The following CLPB variants were observed in gnomAD, a reference collection of about 807,000 sequenced individuals.
CLPB encodes ClpB family mitochondrial disaggregase.
A neutral mutation model predicts 78.4 loss-of-function variants in CLPB; 40 were observed. The observed-to-expected ratio is 0.51, with a 90% CI of 0.40 to 0.66. The LOEUF (loss-of-function observed/expected upper bound fraction) is 0.66, where lower values mean the gene tolerates loss of function less well. Among genes scored for constraint, CLPB ranks in the 30% least tolerant of loss-of-function variants. The pLI is 0.00. For missense variants in CLPB, 780 were observed against 886.9 expected (o/e 0.88, Z 1.53); for synonymous variants, 333 against 348.0 (o/e 0.96, Z 0.48).
rs1461947408 is a variant in CLPB at position 72,302,335 on chromosome 11, A to G, written c.1136T>C (p.Leu379Pro). Residue 379 changes from leucine (L) to proline (P), a missense_variant, in exon 10 of 16, where the codon CTG becomes CCG. Leu to Pro is a moderately conservative substitution (Grantham distance 98). Transcript: ENST00000538039. ...HKDAKKGFIR[L>P]DMSEFQERHE... ...TCGCTCCTGGAACTCGGACATGTCC[A>G]GCCTGATGAAGCCCTGTGTGGAAAC... is the stretch of plus-strand genomic sequence containing the variant. 1.2e-6 allele frequency: 2 copies of G among 1,614,220 alleles called. No homozygotes were observed.
At chr11:72,335,131 G>A (rs563802397) in intron 5 of CLPB, among the ~76,000 whole-genome samples, 8 of 152,106 alleles carry the variant, frequency 5.3e-5, no homozygotes, top group South Asian at 4.2e-4. Context: ...AAAGTAGTGT[G>A]GGGGGGTGGG....
chr11:72,336,503 C>A (rs1184078721), intron 5 of CLPB: 1 of 152,194 alleles, frequency 6.6e-6, no homozygotes, highest in Non-Finnish European at 1.5e-5. Context: ...CTACCTACCA[C>A]CTACCACTAA....
chr11:72,297,863 G>A (rs571502365), intron 11 of CLPB, among the ~76,000 whole-genome samples: 72 of 152,284 alleles, frequency 4.7e-4, no homozygotes, highest in African/African-American at 1.6e-3. Flanking sequence ...AACTGGGCCT[G>A]AGGATGGGTC....
At chr11:72,417,792 T>C (rs2135128949) in intron 2 of CLPB, among the ~76,000 whole-genome samples, 1 of 152,228 alleles carries the variant, frequency 6.6e-6, no homozygotes, top group Non-Finnish European at 1.5e-5. Flanking sequence ...CCTGAGATCC[T>C]GTGTGACCCA....
chr11:72,332,905 T>A (rs1950253642), intron 5 of CLPB: 1 of 152,238 alleles, frequency 6.6e-6, no homozygotes, highest in South Asian at 2.1e-4. Flanking sequence ...AACAGTGCCA[T>A]GAACATTCAC....
At chr11:72,331,058 T>C (rs1195284397) in intron 5 of CLPB, among the ~76,000 whole-genome samples, 1 of 152,014 alleles carries the variant, frequency 6.6e-6, no homozygotes, top group South Asian at 2.1e-4. Context: ...ACTTTAAAAA[T>C]TTTTTTATTA....
intron 9 of CLPB, among the ~76,000 whole-genome samples, chr11:72,306,876 C>T (rs1252050402): frequency 6.6e-6 from 1 of 152,220 alleles, no homozygotes; most frequent in Non-Finnish European, 1.5e-5. Flanking sequence ...TTAGCAGCAT[C>T]TAGTACAACA....
At chr11:72,388,242 C>T (rs1169756985) in intron 3 of CLPB, among the ~76,000 whole-genome samples, 1 of 150,586 alleles carries the variant, frequency 6.6e-6, no homozygotes, top group Non-Finnish European at 1.5e-5. Context: ...AGAGAAGATT[C>T]CCTTCCCCTT....
chr11:72,394,192 G>A (rs569185394), intron 3 of CLPB, among the ~76,000 whole-genome samples: 3 of 152,202 alleles, frequency 2.0e-5, no homozygotes, highest in South Asian at 2.1e-4. Context: ...ATCTACTGCC[G>A]ACCCCTGGCC....
intron 3 of CLPB, among the ~76,000 whole-genome samples, chr11:72,401,567 C>T (rs1329388498): frequency 6.6e-6 from 1 of 152,158 alleles, no homozygotes; most frequent in Admixed American, 6.5e-5. Context: ...AGAAGAGAGA[C>T]CTATCTCATG....
At chr11:72,410,046 T>C (rs1056763263) in intron 2 of CLPB, among the ~76,000 whole-genome samples, 3 of 151,766 alleles carry the variant, frequency 2.0e-5, no homozygotes, top group Non-Finnish European at 4.4e-5. Flanking sequence ...CTGGCCAACA[T>C]GGTAAAACCC....
At chr11:72,305,380 G>A (rs1949728708) in intron 9 of CLPB, among the ~76,000 whole-genome samples, 1 of 152,230 alleles carries the variant, frequency 6.6e-6, no homozygotes. Flanking sequence ...TGGTAAGTAG[G>A]AAGTGACGAA....
At position 72,342,944 on chromosome 11, in the gene CLPB, C is replaced by T. The variant is rs563737870; in HGVS notation, c.776-13140G>A. On this transcript the variant is annotated intron_variant, in intron 5 of 15. Transcript: ENST00000538039. The stretch of plus-strand genomic sequence containing the variant: ...ACAATGCCCACACATCTGGCTAATT[C>T]AGTTATGAGGCCAATCAATCTTGAT... Among the ~76,000 whole-genome samples, 6 of 152,330 alleles carry T rather than the reference C, an allele frequency of 3.9e-5. No individual in the cohort carries two copies. The South Asian group carries it at 1.0e-3, about 26-fold the overall frequency.
At chr11:72,421,015 C>T (rs1045184400) in intron 2 of CLPB, among the ~76,000 whole-genome samples, 3 of 152,098 alleles carry the variant, frequency 2.0e-5, no homozygotes, top group African/African-American at 4.8e-5. Context: ...CAAAATTAGC[C>T]GGGTGTGGTG....
At chr11:72,331,418 A>T (rs529016528) in intron 5 of CLPB, among the ~76,000 whole-genome samples, 5 of 150,968 alleles carry the variant, frequency 3.3e-5, no homozygotes, top group South Asian at 2.1e-4. Context: ...AAAAAAAAAA[A>T]TTTTAAGAGA....
rs911449162 is a variant in CLPB at position 72,288,327 on chromosome 11, A to C, written c.*5040T>G. Reference sequence around the variant, plus strand: ...ACATGGTGAAACCCCGTCTTTACTAAAAATACAAAAAAAATTAGCTGGGTA... The same window carrying C: ...ACATGGTGAAACCCCGTCTTTACTACAAATACAAAAAAAATTAGCTGGGTA... On this transcript the variant is annotated 3_prime_UTR_variant, in exon 16 of 16. Coordinates refer to ENST00000538039, the MANE Select transcript of CLPB (RefSeq NM_001258392.3). The C allele has an allele frequency of 3.3e-5, 5 of 152,156 alleles. No individual in the cohort carries two copies. The highest frequency in any genetic ancestry group is 3.9e-4 in the East Asian group (2 of 5,194). 9.4% of individuals were successfully genotyped at this position (152,156 alleles called of 1,614,324 possible).
chr11:72,373,843 C>T (rs536146691), intron 4 of CLPB, among the ~76,000 whole-genome samples: 3 of 151,586 alleles, frequency 2.0e-5, no homozygotes, highest in African/African-American at 7.3e-5. Context: ...GCCAGTAATC[C>T]CAGCTACTTG....
chr11:72,380,556 G>A (rs1769382465), intron 3 of CLPB, among the ~76,000 whole-genome samples, 172 bp from the exon 4 acceptor site: 1 of 152,104 alleles, frequency 6.6e-6, no homozygotes, highest in South Asian at 2.1e-4. Context: ...GGAAAGACAG[G>A]GACAGGAGAT....
At chr11:72,336,593 G>T (rs181448795) in intron 5 of CLPB, 1 of 152,708 alleles carries the variant, frequency 6.5e-6, no homozygotes, top group East Asian at 1.9e-4. Context: ...AATGTTCTTT[G>T]TAATAACTTT....
Sources: gnomAD v4.1 joint callset for allele counts (sites outside exome capture counted in the v4.1 genomes callset) on GRCh38, gnomAD v4.1.1 for gene constraint, MANE v1.5 for transcripts, NCBI Gene and HGNC (gene_info 2026-07-23, HGNC 2026-07-21) for gene names.